The following HSD17B12 variants were observed in gnomAD, a reference collection of about 807,000 sequenced individuals.
HSD17B12 encodes very-long-chain 3-oxoacyl-CoA reductase.
Under a neutral mutation model 39.3 loss-of-function variants are expected in HSD17B12, and 32 were observed. The observed-to-expected ratio is 0.81, with a 90% CI of 0.61 to 1.09. The LOEUF (loss-of-function observed/expected upper bound fraction) is 1.09, where lower values mean the gene tolerates loss of function less well. Among genes scored for constraint, HSD17B12 ranks in the 50% least tolerant of loss-of-function variants. The pLI is 0.00. For synonymous variants in HSD17B12, 150 were observed against 146.7 expected (o/e 1.02, Z -0.16); for missense variants, 342 against 382.9 (o/e 0.89, Z 0.89).
At chr11:43,586,368 A>G in the HSD17B12 span, among the ~76,000 whole-genome samples, 1 of 152,218 alleles carries the variant, frequency 6.6e-6, no homozygotes, top group African/African-American at 2.4e-5. Flanking sequence ...CATCAGCACA[A>G]GAAAGTTGCT....
intron 4 of HSD17B12, among the ~76,000 whole-genome samples, chr11:43,803,998 C>A (rs1349870581): frequency 1.3e-5 from 2 of 152,088 alleles, no homozygotes; most frequent in African/African-American, 2.4e-5. Context: ...GAGGACTTTG[C>A]ACAATACAAC....
chr11:43,589,978 C>T, the HSD17B12 span, among the ~76,000 whole-genome samples: 1 of 152,318 alleles, frequency 6.6e-6, no homozygotes, highest in East Asian at 1.9e-4. Flanking sequence ...AGTAAATACA[C>T]ATTCCAGTGC....
intron 6 of HSD17B12, among the ~76,000 whole-genome samples, chr11:43,821,223 C>G (rs1951179742): frequency 6.6e-6 from 1 of 152,174 alleles, no homozygotes; most frequent in South Asian, 2.1e-4. Flanking sequence ...CAGTGGCTCA[C>G]TTCAATGGGC....
At chr11:43,805,887 G>A (rs553194438) in intron 4 of HSD17B12, among the ~76,000 whole-genome samples, 6 of 152,276 alleles carry the variant, frequency 3.9e-5, no homozygotes, top group South Asian at 2.1e-4. Flanking sequence ...TCTTGGGTTC[G>A]TATGACACCC....
chr11:43,570,433 G>A, the HSD17B12 span: 1 of 152,084 alleles, frequency 6.6e-6, no homozygotes, highest in Non-Finnish European at 1.5e-5. Context: ...ATTTTCATTT[G>A]AGACCCAAGG....
the HSD17B12 span, among the ~76,000 whole-genome samples, chr11:43,667,735 C>T: frequency 6.6e-6 from 1 of 152,098 alleles, no homozygotes; most frequent in Non-Finnish European, 1.5e-5. Flanking sequence ...CTGCATAAAA[C>T]AAAGTTTGTG....
chr11:43,578,233 T>C, the HSD17B12 span, among the ~76,000 whole-genome samples: 1 of 152,034 alleles, frequency 6.6e-6, no homozygotes, highest in Non-Finnish European at 1.5e-5. Context: ...GACGGTGAGG[T>C]AAGTATTAGT....
At chr11:43,737,937 G>T (rs1950331089) in intron 1 of HSD17B12, among the ~76,000 whole-genome samples, 1 of 151,990 alleles carries the variant, frequency 6.6e-6, no homozygotes. Flanking sequence ...GCCAGGCATG[G>T]TGGCGGGCGC....
chr11:43,712,056 A>G (rs185004936), intron 1 of HSD17B12, among the ~76,000 whole-genome samples: 1 of 152,306 alleles, frequency 6.6e-6, no homozygotes, highest in East Asian at 1.9e-4. Context: ...ACATCAACAC[A>G]GACCTTAAGT....
At chr11:43,714,871 A>T (rs2134846607) in intron 1 of HSD17B12, among the ~76,000 whole-genome samples, 1 of 152,142 alleles carries the variant, frequency 6.6e-6, no homozygotes, top group South Asian at 2.1e-4. Flanking sequence ...TAGGTATTTT[A>T]TTCTCTTTGA....
the HSD17B12 span, among the ~76,000 whole-genome samples, chr11:43,617,633 C>A: frequency 6.6e-6 from 1 of 152,136 alleles, no homozygotes; most frequent in Non-Finnish European, 1.5e-5. Context: ...AACTAAACTG[C>A]CTTTGAAATT....
chr11:43,711,818 A>G (rs945987885), intron 1 of HSD17B12, among the ~76,000 whole-genome samples: 2 of 152,190 alleles, frequency 1.3e-5, no homozygotes, highest in Non-Finnish European at 2.9e-5. Context: ...CAGACTTTTC[A>G]GATGGGAAAG....
chr11:43,655,659 A>G, the HSD17B12 span, among the ~76,000 whole-genome samples: 7 of 152,322 alleles, frequency 4.6e-5, no homozygotes, highest in South Asian at 1.4e-3. Flanking sequence ...ATCTATTGAG[A>G]TAATCATGTG....
the HSD17B12 span, among the ~76,000 whole-genome samples, chr11:43,574,050 G>C: frequency 2.2e-4 from 33 of 152,210 alleles, no homozygotes; most frequent in African/African-American, 7.7e-4. Context: ...ATGCAATCGT[G>C]AGCTAAAAAT....
the HSD17B12 span, among the ~76,000 whole-genome samples, chr11:43,656,111 A>C: frequency 2.6e-5 from 4 of 152,050 alleles, no homozygotes; most frequent in Non-Finnish European, 1.5e-5. Context: ...CAGAGATTCA[A>C]CTTCTTCCTG....
intron 1 of HSD17B12, 111 bp downstream of exon 1, chr11:43,681,098 T>G (rs1949739981): frequency 1.4e-6 from 2 of 1,381,910 alleles, no homozygotes; most frequent in Non-Finnish European, 1.9e-6. Context: ...CCAGCTCTCC[T>G]CTTTCTCAGG....
intron 3 of HSD17B12, among the ~76,000 whole-genome samples, chr11:43,788,554 C>T (rs76656500): frequency 0.014 from 2,127 of 152,074 alleles, 65 homozygotes; most frequent in African/African-American, 0.047. Context: ...CTTCCCACTG[C>T]TGTCTCTCTC....
chr11:43,811,411 C>T (rs767343012), intron 4 of HSD17B12, among the ~76,000 whole-genome samples: 6 of 152,114 alleles, frequency 3.9e-5, no homozygotes, highest in Non-Finnish European at 7.4e-5. Flanking sequence ...GCCATTGTGA[C>T]CTTGGTGTGT....
chr11:43,752,136 GCAGA>G (rs1415590431), intron 2 of HSD17B12, among the ~76,000 whole-genome samples: 1 of 151,884 alleles, frequency 6.6e-6, no homozygotes, highest in East Asian at 1.9e-4. Flanking sequence ...TAGTTGTTTT[GCAGA>G]CAAACTTGGA....
Sources: gnomAD v4.1 joint callset for allele counts (sites outside exome capture counted in the v4.1 genomes callset) on GRCh38, gnomAD v4.1.1 for gene constraint, MANE v1.5 for transcripts, NCBI Gene and HGNC (gene_info 2026-07-23, HGNC 2026-07-21) for gene names.